The following PDSS2 variants were observed in gnomAD, a reference collection of about 807,000 sequenced individuals.
PDSS2 encodes the protein all trans-polyprenyl-diphosphate synthase PDSS2.
Under a neutral mutation model 44.5 loss-of-function variants are expected in PDSS2, and 31 were observed. The observed-to-expected ratio is 0.70, with a 90% confidence interval of 0.52 to 0.94. PDSS2 has a LOEUF of 0.94. Among genes scored for constraint, PDSS2 ranks in the 40% least tolerant of loss-of-function variants. The pLI is 0.00. For missense variants in PDSS2, 452 were observed against 482.2 expected (o/e 0.94, Z 0.59); for synonymous variants, 157 against 180.3 (o/e 0.87, Z 1.03).
chr6:107,224,935 T>C (rs1773735409), intron 4 of PDSS2, among the ~76,000 whole-genome samples: 1 of 150,058 alleles, frequency 6.7e-6, no homozygotes, highest in South Asian at 2.1e-4. Flanking sequence ...GTTGCAGTCA[T>C]GCTGTTGGCC....
Position 107,154,734 on chromosome 6 carries a change from A to G in PDSS2, c.1085T>C (p.Ile362Thr). 6.2e-7 allele frequency: 1 copy of G among 1,614,192 alleles called. No individual in the cohort carries two copies. The change falls in exon 8 of 8, where the codon ATT (isoleucine) becomes ACT (threonine). Residue 362 changes from isoleucine to threonine, a missense_variant. Transcript: ENST00000369037. ...GTTTCCATGGTAACGACACAGGTCA[A>G]TAGCTGAAGTCACACCTTTGCCAGC... Reference protein sequence around the residue: ...IKAGKGVTSAIDLCRYHGNKA... With the variant: ...IKAGKGVTSATDLCRYHGNKA...
intron 2 of PDSS2, among the ~76,000 whole-genome samples, chr6:107,282,742 G>A (rs185117284): frequency 6.6e-6 from 1 of 151,576 alleles, no homozygotes; most frequent in African/African-American, 2.4e-5. Flanking sequence ...GGTGGCAGGT[G>A]CCTGTAGTCC....
chr6:107,429,899 AAAATATATATATATATAT>A (rs1219071526), intron 1 of PDSS2, among the ~76,000 whole-genome samples: 9 of 41,406 alleles, frequency 2.2e-4, no homozygotes, highest in African/African-American at 6.0e-4. Context: ...AAAAAAAAAA[AAAATATATATATATATAT>A]ATATATATAT....
At chr6:107,306,346 G>T (rs1475456407) in intron 2 of PDSS2, among the ~76,000 whole-genome samples, 1 of 152,122 alleles carries the variant, frequency 6.6e-6, no homozygotes, top group African/African-American at 2.4e-5. Flanking sequence ...AAAAATGGGA[G>T]TCTCTCTGCA....
chr6:107,376,143 C>T (rs796121231), intron 1 of PDSS2, among the ~76,000 whole-genome samples: 1 of 152,106 alleles, frequency 6.6e-6, no homozygotes, highest in Non-Finnish European at 1.5e-5. Context: ...GTACCAGTAC[C>T]ATGCTGTTTT....
intron 2 of PDSS2, among the ~76,000 whole-genome samples, chr6:107,286,667 T>C (rs1776160646): frequency 6.6e-6 from 1 of 151,942 alleles, no homozygotes; most frequent in East Asian, 1.9e-4. Flanking sequence ...AATAGCAACA[T>C]GGGAAAAGGT....
At chr6:107,197,636 G>T (rs1772614664) in intron 6 of PDSS2, among the ~76,000 whole-genome samples, 1 of 152,120 alleles carries the variant, frequency 6.6e-6, no homozygotes, top group Non-Finnish European at 1.5e-5. Context: ...ATTTTTGAGA[G>T]ACTGTATCAA....
intron 1 of PDSS2, among the ~76,000 whole-genome samples, chr6:107,367,802 C>A (rs1331204371): frequency 0.011 from 1,115 of 101,446 alleles, no homozygotes; most frequent in Non-Finnish European, 0.012. Context: ...AACTCTGTCT[C>A]AAAAAAAAAA....
intron 1 of PDSS2, among the ~76,000 whole-genome samples, chr6:107,403,257 C>A (rs1162346904): frequency 6.6e-6 from 1 of 152,154 alleles, no homozygotes; most frequent in Non-Finnish European, 1.5e-5. Flanking sequence ...CCAAAATGAC[C>A]TCCTTTGACT....
At chr6:107,222,752 A>G (rs1363965438) in intron 4 of PDSS2, among the ~76,000 whole-genome samples, 1 of 151,824 alleles carries the variant, frequency 6.6e-6, no homozygotes, top group Non-Finnish European at 1.5e-5. Flanking sequence ...TAGCAATTGG[A>G]TTCCATTTTC....
chr6:107,423,888 C>A (rs1387619407), intron 1 of PDSS2, among the ~76,000 whole-genome samples: 1 of 152,094 alleles, frequency 6.6e-6, no homozygotes, highest in Non-Finnish European at 1.5e-5. Context: ...ACAATTCTAC[C>A]CATTTCCAGC....
At chr6:107,338,572 G>C (rs1777980307) in intron 1 of PDSS2, among the ~76,000 whole-genome samples, 1 of 152,214 alleles carries the variant, frequency 6.6e-6, no homozygotes, top group African/African-American at 2.4e-5. Context: ...GGATGAATAA[G>C]GGTTGTGGCA....
At chr6:107,235,972 T>C (rs375185790) in intron 4 of PDSS2, among the ~76,000 whole-genome samples, 28 of 152,060 alleles carry the variant, frequency 1.8e-4, no homozygotes, top group African/African-American at 6.3e-4. Context: ...GCCTACTATG[T>C]AATTGAGGTC....
intron 3 of PDSS2, among the ~76,000 whole-genome samples, chr6:107,252,670 T>C (rs996632497): frequency 3.9e-5 from 6 of 152,228 alleles, no homozygotes; most frequent in Non-Finnish European, 1.5e-5. Flanking sequence ...GGCTTACGCC[T>C]GTAATCTCAG....
chr6:107,239,083 C>T (rs1774327105), intron 4 of PDSS2, among the ~76,000 whole-genome samples: 1 of 151,926 alleles, frequency 6.6e-6, no homozygotes, highest in African/African-American at 2.4e-5. Flanking sequence ...TCGAGACCAG[C>T]CTGGCCAACA....
At chr6:107,445,800 C>T (rs1459621516) in intron 1 of PDSS2, among the ~76,000 whole-genome samples, 1 of 152,176 alleles carries the variant, frequency 6.6e-6, no homozygotes, top group Non-Finnish European at 1.5e-5. Context: ...AGTCAAACTC[C>T]TTACTTCATT....
intron 1 of PDSS2, among the ~76,000 whole-genome samples, chr6:107,405,869 T>C (rs1421235244): frequency 2.1e-5 from 3 of 145,438 alleles, no homozygotes; most frequent in African/African-American, 7.6e-5. Context: ...AAAAAAAAGA[T>C]ACAGAATGGT....
intron 1 of PDSS2, among the ~76,000 whole-genome samples, chr6:107,366,368 G>C (rs1224429569): frequency 6.6e-6 from 1 of 151,996 alleles, no homozygotes; most frequent in Non-Finnish European, 1.5e-5. Context: ...AATTTGTAGT[G>C]TACAACTACA....
At chr6:107,317,663 C>A (rs886139465) in intron 2 of PDSS2, among the ~76,000 whole-genome samples, 4 of 152,134 alleles carry the variant, frequency 2.6e-5, no homozygotes, top group Non-Finnish European at 5.9e-5. Context: ...ACTCCTTATT[C>A]TATGGATAAA....
Sources: gnomAD v4.1 joint callset for allele counts (sites outside exome capture counted in the v4.1 genomes callset) on GRCh38, gnomAD v4.1.1 for gene constraint, MANE v1.5 for transcripts, NCBI Gene and HGNC (gene_info 2026-07-23, HGNC 2026-07-21) for gene names.